EBF3: variants seen among roughly 807,000 people sequenced by gnomAD.
EBF3 encodes the protein transcription factor COE3.
EBF3 carries 18 observed loss-of-function variants against 77.1 expected under a neutral mutation model. The observed-to-expected ratio is 0.23, with a 90% CI of 0.16 to 0.35. The LOEUF is 0.35. Ranked by LOEUF, EBF3 falls within the 10% of genes least tolerant of loss-of-function variation. EBF3 has a pLI of 1.00. For synonymous variants in EBF3, 350 were observed against 343.5 expected (o/e 1.02, Z -0.21); for missense variants, 558 against 860.0 (o/e 0.65, Z 4.39).
intron 6 of EBF3, among the ~76,000 whole-genome samples, chr10:129,884,770 A>T (rs950433101): frequency 6.6e-6 from 1 of 152,152 alleles, no homozygotes; most frequent in African/African-American, 2.4e-5. Flanking sequence ...GTAAATGTAG[A>T]TGTATGAGGA....
At position 129,947,934 on chromosome 10, in the gene EBF3, G is replaced by A. The variant is rs11017027; in HGVS notation, c.554+9324C>T. Among the ~76,000 whole-genome samples the A allele has an allele frequency of 0.12, 18,967 of 152,066 alleles. 1,328 individuals carry two copies. Among genetic ancestry groups the A allele is most frequent in the East Asian group, 0.25 (1,302 of 5,170 alleles). On this transcript the variant is annotated intron_variant, in intron 6 of 16. Transcript: ENST00000440978. The surrounding 1 kb of genome is among the most constrained non-coding windows in gnomAD (Gnocchi z 4.5). ...TAAAAAGTCACAAGAAGACATGCAG[G>A]AAACTTAAATGCCTACTGCTCAGTG... is the stretch of plus-strand genomic sequence containing the variant.
chr10:129,873,558 C>T lies in EBF3; in HGVS notation c.675G>A (p.Val225=). Residue 225 remains valine (V), a synonymous_variant, in exon 8 of 17, where the codon GTG becomes GTA. Coordinates refer to ENST00000440978, the MANE Select transcript of EBF3 (RefSeq NM_001375380.1). ...CAAACATGTTGTCTGACACGGCCAGCACGTGGCCGTCCACGTTGACTGTTG... is the reference window on the plus strand; with the variant it reads ...CAAACATGTTGTCTGACACGGCCAGTACGTGGCCGTCCACGTTGACTGTTG... ...VSTTVNVDGH[V]LAVSDNMFVH... The T allele has an allele frequency of 6.3e-7, 1 of 1,574,854 alleles. No homozygotes were observed. The highest frequency in any genetic ancestry group is 1.2e-5 in the South Asian group (1 of 85,400).
intron 6 of EBF3, among the ~76,000 whole-genome samples, chr10:129,880,525 TCTTG>T (rs1211666063): frequency 1.2e-4 from 18 of 152,194 alleles, no homozygotes; most frequent in Non-Finnish European, 2.2e-4. Context: ...ACACATGCAT[TCTTG>T]CTTGCTCACT....
chr10:129,946,097 G>A (rs1264580643), intron 6 of EBF3, among the ~76,000 whole-genome samples: 1 of 152,056 alleles, frequency 6.6e-6, no homozygotes, highest in Admixed American at 6.5e-5. Context: ...ACGTCACAGG[G>A]AATAAATCAA....
Position 129,836,598 on chromosome 10 carries a change from T to A in EBF3, c.*1345A>T, listed in dbSNP as rs116566956. ...CAATGAATTTGACTTTTCCTCAAAA[T>A]AAAAAAAAAAAGGATGGAAAGTCTA... is the stretch of plus-strand genomic sequence containing the variant. On this transcript the variant is annotated 3_prime_UTR_variant, in exon 17 of 17. Coordinates refer to ENST00000440978, the MANE Select transcript of EBF3 (RefSeq NM_001375380.1). 46 of 147,086 alleles carry A rather than the reference T, an allele frequency of 3.1e-4. No homozygotes were observed. Among genetic ancestry groups the A allele is most frequent in the African/African-American group, 3.0e-4 (12 of 40,164 alleles). 9.1% of individuals were successfully genotyped at this position (147,086 alleles called of 1,614,324 possible).
chr10:129,853,031 A>G (rs1449535699), intron 10 of EBF3, among the ~76,000 whole-genome samples: 1 of 152,212 alleles, frequency 6.6e-6, no homozygotes, highest in African/African-American at 2.4e-5. Flanking sequence ...AGGAGGGGAC[A>G]GGGTGAAAGA....
At chr10:129,855,752 C>G (rs193014005) in intron 10 of EBF3, among the ~76,000 whole-genome samples, 21 of 152,332 alleles carry the variant, frequency 1.4e-4, no homozygotes. Flanking sequence ...AATGCTATAT[C>G]CTTTTCTTTA....
chr10:129,857,555 T>G (rs1478914696), intron 10 of EBF3, among the ~76,000 whole-genome samples: 3 of 152,232 alleles, frequency 2.0e-5, no homozygotes, highest in African/African-American at 7.2e-5. Context: ...GCTCCTCTTG[T>G]CATCGGATGG....
chr10:129,911,556 G>A (rs536555395), intron 6 of EBF3, among the ~76,000 whole-genome samples: 13 of 152,254 alleles, frequency 8.5e-5, no homozygotes, highest in Admixed American at 2.6e-4. Context: ...CCAAAAGGCC[G>A]CCAAGAAAAG....
intron 6 of EBF3, among the ~76,000 whole-genome samples, chr10:129,909,324 A>T (rs1216506524): frequency 6.6e-6 from 1 of 152,166 alleles, no homozygotes; most frequent in East Asian, 1.9e-4. Context: ...CAGGCAATTC[A>T]CACCAGCAGC....
intron 4 of EBF3, among the ~76,000 whole-genome samples, chr10:129,959,669 C>T (rs1859336540): frequency 6.6e-6 from 1 of 151,922 alleles, no homozygotes; most frequent in Admixed American, 6.5e-5. Context: ...CCGTCCCGAG[C>T]TCCCGGGGCC....
At chr10:129,917,651 C>CAGAAAAA (rs1855974596) in intron 6 of EBF3, among the ~76,000 whole-genome samples, 1 of 23,596 alleles carries the variant, frequency 4.2e-5, no homozygotes, top group Non-Finnish European at 7.0e-5. Flanking sequence ...GACCCTGCCT[C>CAGAAAAA]AAAAAAAAAA....
Position 129,861,296 on chromosome 10 carries a change from G to A in EBF3, c.1039+5845C>T, listed in dbSNP as rs1051384794. Among the ~76,000 whole-genome samples, 2 of 152,114 alleles carry A rather than the reference G, an allele frequency of 1.3e-5. No individual in the cohort carries two copies. The highest frequency in any genetic ancestry group is 4.8e-5 in the African/African-American group (2 of 41,402). Reference sequence around the variant, plus strand: ...GGCCTCACTCCCAGGGGAAGGGGCTGAGGCACAGATGCACGCCACCCCACT... The same window carrying A: ...GGCCTCACTCCCAGGGGAAGGGGCTAAGGCACAGATGCACGCCACCCCACT... On this transcript the variant is annotated intron_variant, in intron 10 of 16. Transcript: ENST00000440978. The surrounding 1 kb of genome is among the most constrained non-coding windows in gnomAD (Gnocchi z 4.3).
chr10:129,929,531 C>A (rs1856872559), intron 6 of EBF3, among the ~76,000 whole-genome samples: 1 of 152,164 alleles, frequency 6.6e-6, no homozygotes, highest in Non-Finnish European at 1.5e-5. Flanking sequence ...TTAATAATGC[C>A]TTGGAAAGCC....
intron 11 of EBF3, among the ~76,000 whole-genome samples, chr10:129,844,942 A>G (rs2133966322): frequency 1.3e-5 from 2 of 152,320 alleles, no homozygotes; most frequent in South Asian, 2.1e-4. Context: ...ATGCCTTTCA[A>G]TTTTAAGCAA....
chr10:129,910,946 T>G (rs1855486237), intron 6 of EBF3, among the ~76,000 whole-genome samples: 2 of 152,154 alleles, frequency 1.3e-5, no homozygotes, highest in Non-Finnish European at 2.9e-5. Context: ...TGGCCGAAGC[T>G]GCTAATGAAA....
chr10:129,942,068 C>G (rs982109886), intron 6 of EBF3, among the ~76,000 whole-genome samples: 2 of 152,204 alleles, frequency 1.3e-5, no homozygotes, highest in Non-Finnish European at 1.5e-5. Flanking sequence ...GAAACACCTC[C>G]TATCCTCAGG....
intron 6 of EBF3, among the ~76,000 whole-genome samples, chr10:129,937,546 C>T (rs1011090550): frequency 1.3e-5 from 2 of 152,240 alleles, no homozygotes; most frequent in Admixed American, 6.5e-5. Flanking sequence ...TCCGCACATT[C>T]CCATTCAGGC....
intron 6 of EBF3, among the ~76,000 whole-genome samples, chr10:129,915,377 T>G (rs1378281046): frequency 6.6e-6 from 1 of 151,934 alleles, no homozygotes; most frequent in East Asian, 1.9e-4. Context: ...CTCCCAAAGT[T>G]ACTATTACTC....
Sources: allele counts gnomAD v4.1 joint callset (sites outside exome capture counted in the v4.1 genomes callset), GRCh38; gene constraint gnomAD v4.1.1; non-coding constraint Gnocchi (gnomAD v3.1); transcripts MANE v1.5; gene names NCBI Gene and HGNC (gene_info 2026-07-23, HGNC 2026-07-21).